Variants in POLK observed in about 807,000 individuals in gnomAD.
POLK encodes the protein polymerase (DNA directed) kappa.
Under a neutral mutation model 94.0 loss-of-function variants are expected in POLK, and 76 were observed. The observed-to-expected ratio is 0.81, with a 90% CI of 0.67 to 0.98. The LOEUF (loss-of-function observed/expected upper bound fraction) is 0.98, where lower values mean the gene tolerates loss of function less well. Ranked by LOEUF, POLK falls within the 50% of genes least tolerant of loss-of-function variation. The pLI is 0.00. For synonymous variants in POLK, 349 were observed against 325.4 expected (o/e 1.07, Z -0.78); for missense variants, 954 against 1,010.1 (o/e 0.94, Z 0.75).
At chr5:75,583,383 T>C (rs1252333676) in exon 8 of POLK, 1 of 1,604,568 alleles carries the variant, frequency 6.2e-7, no homozygotes, top group Non-Finnish European at 8.5e-7. Context: ...AGACAAGCTG[T>C]GATGGACTTC....
intron 1 of POLK, among the ~76,000 whole-genome samples, chr5:75,527,315 G>T (rs1310465967): frequency 6.6e-6 from 1 of 151,796 alleles, no homozygotes; most frequent in East Asian, 1.9e-4. Flanking sequence ...AGGAGTTCTA[G>T]AGCAGCCTGG....
At chr5:75,581,301 C>A in exon 7 of POLK, 1 of 1,613,600 alleles carries the variant, frequency 6.2e-7, no homozygotes, top group Non-Finnish European at 8.5e-7. Context: ...TGTGCAGCCC[C>A]CAGGAGATCC....
At chr5:75,515,075 A>G (rs1768259724) in intron 1 of POLK, among the ~76,000 whole-genome samples, 2 of 152,178 alleles carry the variant, frequency 1.3e-5, no homozygotes, top group East Asian at 3.9e-4. Flanking sequence ...GCTAGTGTAC[A>G]CTAGCAAATA....
At chr5:75,562,900 G>T (rs1771063450) in intron 3 of POLK, among the ~76,000 whole-genome samples, 1 of 152,162 alleles carries the variant, frequency 6.6e-6, no homozygotes, top group Admixed American at 6.5e-5. Context: ...TGTACTGCTG[G>T]ATTTGGTTTG....
At chr5:75,539,594 T>TC (rs1393344837) in intron 1 of POLK, among the ~76,000 whole-genome samples, 1 of 152,066 alleles carries the variant, frequency 6.6e-6, no homozygotes, top group Non-Finnish European at 1.5e-5. Context: ...CTACTAGGCT[T>TC]CAGAGATACT....
At chr5:75,569,305 G>A (rs757430614) in intron 3 of POLK, 35 bp from the exon 4 acceptor site, 4 of 1,458,318 alleles carry the variant, frequency 2.7e-6, no homozygotes, top group Non-Finnish European at 3.8e-6. Flanking sequence ...ATATTATGTT[G>A]TCTAAAAGTA....
intron 1 of POLK, among the ~76,000 whole-genome samples, chr5:75,532,327 C>G (rs1254713638): frequency 6.6e-6 from 1 of 152,092 alleles, no homozygotes; most frequent in Non-Finnish European, 1.5e-5. Context: ...TGAGAACATG[C>G]AGTGTTTGGT....
intron 1 of POLK, among the ~76,000 whole-genome samples, chr5:75,521,768 CTTT>C (rs58946110): frequency 2.7e-5 from 4 of 148,324 alleles, no homozygotes; most frequent in African/African-American, 9.8e-5. Context: ...TGTTGAATTT[CTTT>C]TTTTTTTTCT....
intron 3 of POLK, among the ~76,000 whole-genome samples, chr5:75,568,193 A>G (rs1038668305): frequency 7.9e-5 from 12 of 152,156 alleles, no homozygotes; most frequent in African/African-American, 2.4e-4. Context: ...ATGTTTTATT[A>G]TGCAGCTATC....
intron 3 of POLK, among the ~76,000 whole-genome samples, chr5:75,565,194 T>TTTTCAGC (rs1771205723): frequency 6.6e-6 from 1 of 152,170 alleles, no homozygotes; most frequent in African/African-American, 2.4e-5. Context: ...TTGTGTATGC[T>TTTTCAGC]TCCCGAAGTT....
chr5:75,578,827 T>G (rs1307822563), intron 6 of POLK, among the ~76,000 whole-genome samples: 1 of 152,246 alleles, frequency 6.6e-6, no homozygotes, highest in East Asian at 1.9e-4. Context: ...AATAATAATT[T>G]TTTAAATGTT....
chr5:75,527,947 C>G (rs73764925), intron 1 of POLK, among the ~76,000 whole-genome samples: 11,913 of 152,210 alleles, frequency 0.078, 557 homozygotes, highest in South Asian at 0.17. Context: ...TTCAACCATA[C>G]AGTGTAACAC....
At chr5:75,581,438 A>G (rs771666813) in exon 7 of POLK, 22 of 1,613,504 alleles carry the variant, frequency 1.4e-5, no homozygotes, top group Non-Finnish European at 1.7e-5. Flanking sequence ...CAACACTGAC[A>G]GCCAGTGCAG....
At chr5:75,511,592 C>T (rs953876263), upstream of POLK, 4 of 1,465,912 alleles carry the variant, frequency 2.7e-6, no homozygotes, top group Admixed American at 9.7e-5. Context: ...ACTCACACCT[C>T]CGCTACCGCC....
At chr5:75,571,473 C>A (rs952732123) in intron 4 of POLK, among the ~76,000 whole-genome samples, 1 of 152,072 alleles carries the variant, frequency 6.6e-6, no homozygotes, top group Non-Finnish European at 1.5e-5. Context: ...GAGCAGAGTG[C>A]GATGGCGATG....
At position 75,546,875 on chromosome 5, in the gene POLK, C is replaced by T. The variant is rs1177067339; in HGVS notation, c.-13-135C>T. 5 of 407,408 alleles carry T rather than the reference C, an allele frequency of 1.2e-5. No homozygotes were observed. The South Asian group carries it at 2.4e-4, about 19-fold the overall frequency. The allele number at this position is 407,408 out of a possible 1,614,324, so 25.2% of individuals were successfully genotyped here. The stretch of plus-strand genomic sequence containing the variant: ...AGAGACAGGGTTTCACCATGTTGCC[C>T]AGGCTGGTGTCGAACCCCTGAGCTC... On this transcript the variant is annotated intron_variant, in intron 1 of 14. Transcript: ENST00000241436.
chr5:75,596,738 A>G (rs2112897035), exon 13 of POLK: 1 of 1,613,544 alleles, frequency 6.2e-7, no homozygotes, highest in Non-Finnish European at 8.5e-7. Flanking sequence ...TCACTTTGTG[A>G]GAAGCAAGAT....
In POLK at chr5:75,587,006, C is replaced by T; in HGVS notation, c.1227-20C>T. Reference sequence around the variant, plus strand: ...AAACTCAGTCTTTGAAAAATAAAGACCTTTTTTTTTCATTTCAAGGGATGG... The same window carrying T: ...AAACTCAGTCTTTGAAAAATAAAGATCTTTTTTTTTCATTTCAAGGGATGG... On this transcript the variant is annotated intron_variant, in intron 9 of 14. Coordinates refer to ENST00000241436, the Ensembl canonical transcript of POLK. The T allele has an allele frequency of 6.5e-7, 1 of 1,528,082 alleles. No homozygotes were observed. The allele number at this position is 1,528,082 out of a possible 1,614,324, so 94.7% of individuals were successfully genotyped here. A position where few individuals can be genotyped will look rare whatever the true frequency, so the allele number is the denominator to read the frequency against.
intron 3 of POLK, among the ~76,000 whole-genome samples, chr5:75,567,516 C>T (rs895308011): frequency 6.6e-6 from 1 of 152,158 alleles, no homozygotes; most frequent in African/African-American, 2.4e-5. Context: ...GATTTTTCTA[C>T]TAGTACTCCT....
Sources: allele counts gnomAD v4.1 joint callset (sites outside exome capture counted in the v4.1 genomes callset), GRCh38; gene constraint gnomAD v4.1.1; transcripts MANE v1.5; gene names NCBI Gene and HGNC (gene_info 2026-07-23, HGNC 2026-07-21).